Variants in TULP4 observed in about 807,000 individuals in gnomAD.
The protein encoded by TULP4 is TUB like protein 4, also known as tubby-related protein 4.
A neutral mutation model predicts 129.0 loss-of-function variants in TULP4; 16 were observed. That is an observed-to-expected ratio of 0.12 (90% confidence interval 0.08 to 0.19). TULP4 has a LOEUF of 0.19. Ranked by LOEUF, TULP4 falls within the 10% of genes least tolerant of loss-of-function variation. The pLI is 1.00. For missense variants in TULP4, 1,842 were observed against 2,059.1 expected, an observed-to-expected ratio of 0.89 and a Z score of 2.04; for synonymous variants, 998 against 854.0, an observed-to-expected ratio of 1.17 and a Z score of -2.94.
At chr6:158,351,108 C>T (rs947435726) in intron 1 of TULP4, among the ~76,000 whole-genome samples, 7 of 152,088 alleles carry the variant, frequency 4.6e-5, no homozygotes, top group Non-Finnish European at 7.4e-5. Context: ...CAAATGGGTG[C>T]GAACTTGTCC....
intron 9 of TULP4, among the ~76,000 whole-genome samples, chr6:158,491,440 T>TCTTC (rs1309568443): frequency 2.6e-4 from 5 of 18,950 alleles, no homozygotes; most frequent in African/African-American, 9.8e-4. Flanking sequence ...TTTCTTTCTT[T>TCTTC]CTTTTCTTTC....
intron 1 of TULP4, among the ~76,000 whole-genome samples, chr6:158,390,265 C>T (rs1373910984): frequency 6.6e-6 from 1 of 151,688 alleles, no homozygotes; most frequent in African/African-American, 2.4e-5. Flanking sequence ...ATAAATGTAT[C>T]CAGCTTTTTA....
intron 1 of TULP4, among the ~76,000 whole-genome samples, chr6:158,283,138 C>CA (rs11328037): frequency 1.5e-3 from 176 of 120,310 alleles, no homozygotes; most frequent in South Asian, 5.9e-3. Flanking sequence ...GACTCCGTCT[C>CA]AAAAAAAAAA....
rs1431431459 is a variant in TULP4, at chr6:158,479,906, C to T, written c.1182C>T (p.Asp394=). The change falls in exon 7 of 14, where the codon GAC becomes GAT. Residue 394 remains aspartate (D), a synonymous_variant. Transcript: ENST00000367097. ...AIASTLREDK[D]VSKLTLPPRL... ...CCAGCACCTTGCGTGAGGACAAGGA[C>T]GTCAGCAAGCTGACTCTGCCCCCCC... The T allele has an allele frequency of 9.3e-6, 15 of 1,612,484 alleles. No homozygotes were observed. Among genetic ancestry groups the T allele is most frequent in the East Asian group, 4.5e-5 (2 of 44,882 alleles).
intron 1 of TULP4, among the ~76,000 whole-genome samples, chr6:158,390,006 G>A (rs1777547130): frequency 6.6e-6 from 1 of 151,846 alleles, no homozygotes; most frequent in Non-Finnish European, 1.5e-5. Context: ...AGGAGGCGGA[G>A]GTTGCAGTGA....
At chr6:158,439,644 C>T (rs1424369276) in intron 3 of TULP4, among the ~76,000 whole-genome samples, 1 of 142,720 alleles carries the variant, frequency 7.0e-6, no homozygotes, top group African/African-American at 2.6e-5. Flanking sequence ...TCACTGTGCT[C>T]AATACAAGAA....
At chr6:158,340,559 G>A (rs1780157066) in intron 1 of TULP4, among the ~76,000 whole-genome samples, 2 of 152,104 alleles carry the variant, frequency 1.3e-5, no homozygotes, top group Admixed American at 1.3e-4. Context: ...CACCTGCATT[G>A]AGTCCTGGGT....
intron 1 of TULP4, among the ~76,000 whole-genome samples, chr6:158,277,036 C>T (rs1778661151): frequency 6.6e-6 from 1 of 152,124 alleles, no homozygotes; most frequent in Non-Finnish European, 1.5e-5. Flanking sequence ...ACTTCCCAGG[C>T]TCAGGTGGTC....
intron 5 of TULP4, among the ~76,000 whole-genome samples, chr6:158,456,833 CAAAAA>C (rs11354887): frequency 7.9e-6 from 1 of 126,054 alleles, no homozygotes; most frequent in Non-Finnish European, 1.7e-5. Context: ...GACTCCATCT[CAAAAA>C]AAAAAAAAAA....
intron 3 of TULP4, among the ~76,000 whole-genome samples, chr6:158,440,206 T>A (rs1738571735): frequency 6.7e-6 from 1 of 149,742 alleles, no homozygotes. Context: ...TAGTCTCAGC[T>A]ACTGGGGAGG....
At chr6:158,266,352 G>A (rs1020198926) in intron 1 of TULP4, among the ~76,000 whole-genome samples, 1 of 152,206 alleles carries the variant, frequency 6.6e-6, no homozygotes, top group Non-Finnish European at 1.5e-5. Context: ...GACGTCCCGG[G>A]TTCCAGCGAA....
intron 1 of TULP4, among the ~76,000 whole-genome samples, chr6:158,290,819 C>T (rs537351218): frequency 1.1e-4 from 16 of 152,266 alleles, no homozygotes; most frequent in African/African-American, 3.6e-4. Flanking sequence ...CCTTCCCCCC[C>T]ACATTTGTCA....
chr6:158,338,759 G>T (rs961622738), intron 1 of TULP4, among the ~76,000 whole-genome samples: 1 of 152,226 alleles, frequency 6.6e-6, no homozygotes, highest in Non-Finnish European at 1.5e-5. Context: ...GACCAGGTGG[G>T]ATTGGTAGTT....
chr6:158,354,015 G>A (rs949597791), intron 1 of TULP4, among the ~76,000 whole-genome samples: 1 of 152,184 alleles, frequency 6.6e-6, no homozygotes, highest in African/African-American at 2.4e-5. Context: ...GAGCAATTTT[G>A]TTGACACAGG....
intron 1 of TULP4, among the ~76,000 whole-genome samples, chr6:158,316,324 G>A (rs1282545373): frequency 3.9e-5 from 6 of 152,160 alleles, no homozygotes; most frequent in Non-Finnish European, 8.8e-5. Context: ...TTTAGGTTTA[G>A]TAGAAATTGC....
At chr6:158,426,283 C>A (rs1347285983) in intron 2 of TULP4, among the ~76,000 whole-genome samples, 1 of 152,178 alleles carries the variant, frequency 6.6e-6, no homozygotes, top group Non-Finnish European at 1.5e-5. Context: ...GTATCTTCAT[C>A]ATGAAATCTT....
At chr6:158,375,726 A>G (rs1562540703) in intron 1 of TULP4, among the ~76,000 whole-genome samples, 1 of 152,254 alleles carries the variant, frequency 6.6e-6, no homozygotes, top group Non-Finnish European at 1.5e-5. Context: ...GCAAGTGCTT[A>G]TTAAACAGCT....
intron 1 of TULP4, among the ~76,000 whole-genome samples, chr6:158,365,249 C>T (rs1042568289): frequency 2.6e-5 from 4 of 151,956 alleles, no homozygotes; most frequent in Non-Finnish European, 5.9e-5. Flanking sequence ...AGTGTTTTAT[C>T]TCTATTCTAT....
At chr6:158,394,629 A>C (rs550312393) in intron 1 of TULP4, among the ~76,000 whole-genome samples, 79 of 149,458 alleles carry the variant, frequency 5.3e-4, no homozygotes, top group African/African-American at 1.9e-3. Context: ...TAAAAATACA[A>C]AAAAAAAATT....
Sources: gnomAD v4.1 joint callset for allele counts (sites outside exome capture counted in the v4.1 genomes callset) on GRCh38, gnomAD v4.1.1 for gene constraint, MANE v1.5 for transcripts, NCBI Gene and HGNC (gene_info 2026-07-23, HGNC 2026-07-21) for gene names.